LNPK: variants seen among roughly 807,000 people sequenced by gnomAD.
LNPK encodes the protein lunapark, ER junction formation factor, also known as endoplasmic reticulum junction formation protein lunapark.
In LNPK, 29 loss-of-function variants were observed where a neutral mutation model predicts 55.2. The ratio of observed to expected loss-of-function variants is 0.53; its 90% CI spans 0.39 to 0.72. LNPK has a LOEUF of 0.72. Ranked by LOEUF, LNPK falls within the 30% of genes least tolerant of loss-of-function variation. LNPK has a pLI of 0.00. For missense variants in LNPK, 467 were observed against 494.8 expected (o/e 0.94, Z 0.53); for synonymous variants, 162 against 168.2 (o/e 0.96, Z 0.29).
chr2:175,998,066 C>T (rs546559651), intron 1 of LNPK, among the ~76,000 whole-genome samples: 11 of 152,152 alleles, frequency 7.2e-5, no homozygotes, highest in African/African-American at 2.2e-4. Context: ...TTAATTTTAG[C>T]ATTTAGATAC....
intron 8 of LNPK, among the ~76,000 whole-genome samples, chr2:175,956,320 CA>C (rs1173365645): frequency 1.3e-5 from 2 of 151,276 alleles, no homozygotes; most frequent in African/African-American, 4.9e-5. Flanking sequence ...GGGCATCCTC[CA>C]AAAATCTGAT....
chr2:175,929,115 G>C lies in LNPK; in HGVS notation c.*852C>G. 5.1e-6 allele frequency: 5 copies of C among 985,204 alleles called. No homozygotes were observed. The highest frequency in any genetic ancestry group is 6.0e-6 in the Non-Finnish European group (5 of 829,512). 61.0% of individuals were successfully genotyped at this position (985,204 alleles called of 1,614,324 possible). ...AAGAAGACTAGATATTTAGCAAAATGAAACTGATGCCAGATTATTTTCATT... is the reference window on the plus strand; with the variant it reads ...AAGAAGACTAGATATTTAGCAAAATCAAACTGATGCCAGATTATTTTCATT... On this transcript the variant is annotated 3_prime_UTR_variant, in exon 13 of 13. Transcript: ENST00000272748.
intron 12 of LNPK, chr2:175,932,087 C>A: frequency 4.6e-6 from 2 of 438,762 alleles, no homozygotes; most frequent in South Asian, 1.6e-5. Flanking sequence ...ATGTAACTCA[C>A]CAATAAACAT....
chr2:176,001,987 G>A (rs1391686086), intron 1 of LNPK, among the ~76,000 whole-genome samples, 173 bp downstream of exon 1: 1 of 152,230 alleles, frequency 6.6e-6, no homozygotes, highest in Non-Finnish European at 1.5e-5. Context: ...GGTCTGCGCG[G>A]ACCACCGCGC....
At chr2:175,976,125 G>A (rs1686902289) in intron 5 of LNPK, among the ~76,000 whole-genome samples, 1 of 152,078 alleles carries the variant, frequency 6.6e-6, no homozygotes, top group Admixed American at 6.6e-5. Flanking sequence ...GAAAGATGAG[G>A]TTGAAGAAAT....
chr2:175,944,932 CTT>C (rs1052416383), intron 9 of LNPK, among the ~76,000 whole-genome samples: 3 of 151,408 alleles, frequency 2.0e-5, no homozygotes, highest in African/African-American at 7.3e-5. Flanking sequence ...ATCAAGTACA[CTT>C]TGTTTTTTTT....
intron 5 of LNPK, among the ~76,000 whole-genome samples, chr2:175,978,670 A>G (rs1392032633): frequency 6.6e-6 from 1 of 152,262 alleles, no homozygotes; most frequent in Non-Finnish European, 1.5e-5. Flanking sequence ...GATATCTGCA[A>G]TCATAGATTT....
At chr2:175,959,232 C>T (rs1017587099) in intron 8 of LNPK, among the ~76,000 whole-genome samples, 2 of 152,136 alleles carry the variant, frequency 1.3e-5, no homozygotes. Context: ...CAAAGATACT[C>T]CTTGACAAGA....
At chr2:175,943,369 G>A (rs1684954473) in intron 9 of LNPK, among the ~76,000 whole-genome samples, 1 of 151,514 alleles carries the variant, frequency 6.6e-6, no homozygotes, top group African/African-American at 2.4e-5. Context: ...ATTGAATAGG[G>A]AATACTTACT....
chr2:175,998,999 TTA>T (rs1688064364), intron 1 of LNPK, among the ~76,000 whole-genome samples: 1 of 152,212 alleles, frequency 6.6e-6, no homozygotes, highest in East Asian at 1.9e-4. Flanking sequence ...AAGCAAGGGA[TTA>T]TGCTTTTAAA....
At chr2:175,939,420 C>T (rs1684705546) in intron 10 of LNPK, 132 bp downstream of exon 10, 1 of 429,182 alleles carries the variant, frequency 2.3e-6, no homozygotes, top group African/African-American at 2.0e-5. Flanking sequence ...TACTCTTTTG[C>T]AGGGCTATAA....
At chr2:175,955,854 A>T (rs72912938) in intron 8 of LNPK, among the ~76,000 whole-genome samples, 9,275 of 152,246 alleles carry the variant, frequency 0.061, 330 homozygotes, top group Admixed American at 0.12. Flanking sequence ...ACTGATTTTG[A>T]ATTTAGCTGT....
chr2:175,934,461 G>A (rs904173908), intron 12 of LNPK, among the ~76,000 whole-genome samples: 2 of 151,886 alleles, frequency 1.3e-5, no homozygotes, highest in African/African-American at 4.8e-5. Context: ...ATTTCCAATT[G>A]GACAAAAACT....
At chr2:175,935,731 A>T in intron 12 of LNPK, 1 of 972,966 alleles carries the variant, frequency 1.0e-6, no homozygotes, top group Non-Finnish European at 1.2e-6. Context: ...GGTTTGAGCC[A>T]GTAAGACTTC....
In LNPK at chr2:175,928,711, A is replaced by G. The variant is rs1377047001; in HGVS notation, c.*1256T>C. The G allele has an allele frequency of 6.6e-6, 1 of 152,010 alleles. No homozygotes were observed. The highest frequency in any genetic ancestry group is 6.6e-5 in the Admixed American group (1 of 15,246). 9.4% of individuals were successfully genotyped at this position (152,010 alleles called of 1,614,324 possible). Reference sequence around the variant, plus strand: ...TCCATTTTTTTTAATATTGGAGAAGAGAGATAAAAGGAGGCCGTAACAGAT... The same window carrying G: ...TCCATTTTTTTTAATATTGGAGAAGGGAGATAAAAGGAGGCCGTAACAGAT... On this transcript the variant is annotated 3_prime_UTR_variant, in exon 13 of 13. Transcript: ENST00000272748.
chr2:175,998,215 G>A (rs1232364501), intron 1 of LNPK, among the ~76,000 whole-genome samples: 3 of 151,920 alleles, frequency 2.0e-5, no homozygotes, highest in Non-Finnish European at 2.9e-5. Context: ...AGGCCGAGGC[G>A]GGTGGATCAC....
chr2:175,997,114 T>C (rs1170664918), intron 1 of LNPK, among the ~76,000 whole-genome samples: 1 of 152,030 alleles, frequency 6.6e-6, no homozygotes, highest in African/African-American at 2.4e-5. Context: ...TATCTTGGAG[T>C]TTCTCAGAAA....
chr2:175,954,252 C>T (rs1396822071), intron 8 of LNPK, among the ~76,000 whole-genome samples: 2 of 152,156 alleles, frequency 1.3e-5, no homozygotes, highest in Non-Finnish European at 2.9e-5. Context: ...GCTTAATAAA[C>T]ACCTATGAAA....
intron 4 of LNPK, among the ~76,000 whole-genome samples, chr2:175,989,905 G>T (rs1467188921): frequency 1.3e-5 from 2 of 152,162 alleles, no homozygotes; most frequent in African/African-American, 4.8e-5. Flanking sequence ...TTTTGGAATA[G>T]TTATACAATA....
Sources: allele counts gnomAD v4.1 joint callset (sites outside exome capture counted in the v4.1 genomes callset), GRCh38; gene constraint gnomAD v4.1.1; transcripts MANE v1.5; gene names NCBI Gene and HGNC (gene_info 2026-07-23, HGNC 2026-07-21).